Variants in PVT1 observed in about 807,000 individuals in gnomAD.
The protein encoded by PVT1 is Pvt1 oncogene.
intron 5 of PVT1, among the ~76,000 whole-genome samples, chr8:128,077,565 C>G (rs1814107252): frequency 6.6e-6 from 1 of 152,152 alleles, no homozygotes; most frequent in Non-Finnish European, 1.5e-5. Context: ...CATTTTTTCA[C>G]ATTAACCAAG....
At chr8:128,090,954 A>G (rs1814343048) in intron 5 of PVT1, among the ~76,000 whole-genome samples, 3 of 152,028 alleles carry the variant, frequency 2.0e-5, no homozygotes, top group East Asian at 1.9e-4. Context: ...TAGCTCCTCT[A>G]TTTAAATAGC....
chr8:128,100,177 T>C (rs72722723), intron 6 of PVT1, among the ~76,000 whole-genome samples: 3 of 77,422 alleles, frequency 3.9e-5, no homozygotes, highest in Non-Finnish European at 8.0e-5. Context: ...CTCCCTCCCT[T>C]CCTTCCCTCC....
chr8:127,849,300 T>A (rs1298043995), intron 2 of PVT1, among the ~76,000 whole-genome samples: 2 of 152,098 alleles, frequency 1.3e-5, no homozygotes, highest in African/African-American at 4.8e-5. Context: ...TAAGACAGGG[T>A]CAGAGCAGTT....
At chr8:128,069,408 C>A (rs1032702654) in intron 4 of PVT1, among the ~76,000 whole-genome samples, 1 of 152,166 alleles carries the variant, frequency 6.6e-6, no homozygotes, top group Non-Finnish European at 1.5e-5. Flanking sequence ...CACGAAAGGA[C>A]AGCCTGACCC....
intron 3 of PVT1, among the ~76,000 whole-genome samples, chr8:127,917,923 C>T (rs1187970960): frequency 6.6e-6 from 1 of 152,230 alleles, no homozygotes; most frequent in Non-Finnish European, 1.5e-5. Flanking sequence ...TGGCGTTCGC[C>T]CCTCAACCCT....
chr8:127,874,903 GGT>G (rs112419227), intron 2 of PVT1, among the ~76,000 whole-genome samples: 5,575 of 145,158 alleles, frequency 0.038, 127 homozygotes, highest in African/African-American at 0.05. Flanking sequence ...TTGGCCTCCA[GGT>G]GTGTGTGTGT....
Position 127,972,966 on chromosome 8 carries a change from G to A in PVT1, n.783-16196G>A, listed in dbSNP as rs143072263. Among the ~76,000 whole-genome samples the A allele has an allele frequency of 3.6e-3, 549 of 152,274 alleles. 4 individuals carry two copies. Among genetic ancestry groups the A allele is most frequent in the African/African-American group, 0.013 (533 of 41,554 alleles). ...GTCACACAGGTTGGAGTGCAGTGAT[G>A]TAATCATAGCTCACTATAACCTCGA... On this transcript the variant is annotated intron_variant and non_coding_transcript_variant, in intron 3 of 10. Transcript: ENST00000651587.
intron 3 of PVT1, among the ~76,000 whole-genome samples, chr8:127,919,708 T>C (rs925679180): frequency 6.6e-6 from 1 of 152,216 alleles, no homozygotes; most frequent in Non-Finnish European, 1.5e-5. Flanking sequence ...CTTCGTTTTC[T>C]GGCCTCACTC....
At chr8:127,919,537 C>T (rs1816031977) in intron 3 of PVT1, among the ~76,000 whole-genome samples, 1 of 152,168 alleles carries the variant, frequency 6.6e-6, no homozygotes, top group African/African-American at 2.4e-5. Context: ...GTGGGGTCTG[C>T]CCCCTCCCCT....
chr8:127,886,364 A>C (rs1815524557), intron 2 of PVT1, among the ~76,000 whole-genome samples: 1 of 152,130 alleles, frequency 6.6e-6, no homozygotes, highest in Admixed American at 6.5e-5. Context: ...AATGTCTTTC[A>C]CTGAATTTAG....
At chr8:127,986,292 TC>T (rs1281018162) in intron 3 of PVT1, among the ~76,000 whole-genome samples, 1 of 151,914 alleles carries the variant, frequency 6.6e-6, no homozygotes, top group Admixed American at 6.6e-5. Context: ...GCCTTGGAGG[TC>T]CTGAGTCAGC....
At chr8:127,837,214 G>T (rs900081100) in intron 2 of PVT1, among the ~76,000 whole-genome samples, 1 of 152,150 alleles carries the variant, frequency 6.6e-6, no homozygotes, top group Non-Finnish European at 1.5e-5. Flanking sequence ...TGGGTCTCTG[G>T]CTGGGAACAC....
chr8:127,830,667 G>C (rs1442349863), intron 2 of PVT1, among the ~76,000 whole-genome samples: 1 of 152,094 alleles, frequency 6.6e-6, no homozygotes, highest in African/African-American at 2.4e-5. Flanking sequence ...TTAATACTGA[G>C]TGTCAACTTG....
At chr8:127,871,785 T>C (rs1253939040) in intron 2 of PVT1, among the ~76,000 whole-genome samples, 1 of 152,172 alleles carries the variant, frequency 6.6e-6, no homozygotes, top group Admixed American at 6.5e-5. Flanking sequence ...CACAATAATA[T>C]ATTGTACATT....
chr8:128,052,419 C>CT (rs2130107322), intron 4 of PVT1, among the ~76,000 whole-genome samples: 1 of 152,080 alleles, frequency 6.6e-6, no homozygotes, highest in South Asian at 2.1e-4. Context: ...ATGTGAAACT[C>CT]TTATTCCTAC....
chr8:127,982,681 A>C (rs577036929), intron 3 of PVT1, among the ~76,000 whole-genome samples: 1 of 128,506 alleles, frequency 7.8e-6, no homozygotes, highest in East Asian at 2.0e-4. Flanking sequence ...TTAATTAATA[A>C]AATAAATGAA....
intron 2 of PVT1, among the ~76,000 whole-genome samples, chr8:127,822,953 C>T (rs562784407): frequency 1.7e-4 from 26 of 152,278 alleles, no homozygotes; most frequent in African/African-American, 6.3e-4. Context: ...GATTGGATTT[C>T]ATGATCAGAT....
In PVT1 at chr8:128,059,318, A is replaced by G. The variant is rs189380881; in HGVS notation, n.913-10842A>G. 1.8e-3 allele frequency among the ~76,000 whole-genome samples: 276 copies of G among 152,294 alleles called. 2 individuals carry two copies. Among genetic ancestry groups the G allele is most frequent in the Middle Eastern group, 0.014 (4 of 294 alleles). On this transcript the variant is annotated intron_variant and non_coding_transcript_variant, in intron 4 of 10. Coordinates refer to ENST00000651587, the Ensembl canonical transcript of PVT1. Reference sequence around the variant, plus strand: ...TGTTGCCCAGGCTCAATGGCTGGGCAGGGCAGTTGACTATGTGTTGGACAC... The same window carrying G: ...TGTTGCCCAGGCTCAATGGCTGGGCGGGGCAGTTGACTATGTGTTGGACAC...
At chr8:127,834,424 A>T (rs1040515812) in intron 2 of PVT1, among the ~76,000 whole-genome samples, 1 of 152,158 alleles carries the variant, frequency 6.6e-6, no homozygotes, top group African/African-American at 2.4e-5. Flanking sequence ...TTAACTCAAG[A>T]TGGATTAAAG....
Sources: gnomAD v4.1 joint callset for allele counts (sites outside exome capture counted in the v4.1 genomes callset) on GRCh38, gnomAD v4.1.1 for gene constraint, MANE v1.5 for transcripts, NCBI Gene and HGNC (gene_info 2026-07-23, HGNC 2026-07-21) for gene names.